SGCZ: variants seen among roughly 807,000 people sequenced by gnomAD.
SGCZ encodes sarcoglycan zeta, also known as zeta-sarcoglycan.
In SGCZ, 40 loss-of-function variants were observed where a neutral mutation model predicts 41.3. The observed-to-expected ratio is 0.97, with a 90% CI of 0.75 to 1.26. The LOEUF is 1.26. SGCZ is among the 50% of genes most tolerant of loss of function. The probability of loss-of-function intolerance (pLI) is 0.00; values close to 1 mark genes in which losing one functional copy is unlikely to be tolerated. For missense variants in SGCZ, 552 were observed against 369.8 expected (o/e 1.49, Z -4.04); for synonymous variants, 206 against 137.5 (o/e 1.50, Z -3.49).
intron 2 of SGCZ, among the ~76,000 whole-genome samples, chr8:14,465,903 A>C (rs764973324): frequency 6.6e-6 from 1 of 151,918 alleles, no homozygotes; most frequent in Non-Finnish European, 1.5e-5. Context: ...AATGTAAGTT[A>C]CAACACTAAG....
In SGCZ at chr8:14,702,793, G is replaced by A. The variant is rs58631053; in HGVS notation, c.40-147867C>T. Reference sequence around the variant, plus strand: ...GATAGATAGATAGACAGACAGACAGGCAGACAGGTAGGTAGTTAGGTAGAT... The same window carrying A: ...GATAGATAGATAGACAGACAGACAGACAGACAGGTAGGTAGTTAGGTAGAT... On this transcript the variant is annotated intron_variant, in intron 1 of 7. Transcript: ENST00000382080. 7.7e-4 allele frequency among the ~76,000 whole-genome samples: 103 copies of A among 134,502 alleles called. 1 individual carries two copies. Among genetic ancestry groups the A allele is most frequent in the African/African-American group, 2.5e-3 (91 of 35,710 alleles). 88.2% of individuals were successfully genotyped at this position (134,502 alleles called of 152,430 possible).
chr8:14,102,325 T>G, intron 7 of SGCZ, 51 bp downstream of exon 7: 5 of 1,354,830 alleles, frequency 3.7e-6, no homozygotes, highest in Non-Finnish European at 4.8e-6. Flanking sequence ...TAAATACTTG[T>G]GTTTTCAAAG....
intron 1 of SGCZ, among the ~76,000 whole-genome samples, chr8:15,148,515 G>A (rs936446821): frequency 1.3e-5 from 2 of 152,168 alleles, no homozygotes; most frequent in African/African-American, 4.8e-5. Flanking sequence ...GCCTTTTCCG[G>A]AGTCATAGGA....
At chr8:14,571,957 T>C (rs1305427012) in intron 1 of SGCZ, among the ~76,000 whole-genome samples, 1 of 152,184 alleles carries the variant, frequency 6.6e-6, no homozygotes, top group African/African-American at 2.4e-5. Flanking sequence ...TAGGTTGGAA[T>C]GAATAGGAAA....
At chr8:14,746,187 G>A (rs1009227539) in intron 1 of SGCZ, among the ~76,000 whole-genome samples, 27 of 152,108 alleles carry the variant, frequency 1.8e-4, no homozygotes, top group African/African-American at 5.5e-4. Context: ...GCATTCAAAC[G>A]TAGAGATTTA....
At chr8:14,346,950 T>C (rs1457873164) in intron 2 of SGCZ, among the ~76,000 whole-genome samples, 3 of 152,064 alleles carry the variant, frequency 2.0e-5, no homozygotes, top group Non-Finnish European at 4.4e-5. Context: ...AACATATTTG[T>C]AAATAAGTCT....
intron 1 of SGCZ, among the ~76,000 whole-genome samples, chr8:14,573,866 G>C (rs1804632507): frequency 6.6e-6 from 1 of 152,060 alleles, no homozygotes; most frequent in Non-Finnish European, 1.5e-5. Context: ...ATTAGACCAT[G>C]AAAAAATAAA....
chr8:14,432,085 A>G (rs892280043), intron 2 of SGCZ, among the ~76,000 whole-genome samples: 10 of 152,200 alleles, frequency 6.6e-5, no homozygotes, highest in African/African-American at 2.2e-4. Context: ...GCTGGTGGGA[A>G]TGTAAACTAA....
At position 15,002,064 on chromosome 8, in the gene SGCZ, G is replaced by A. The variant is rs563059158; in HGVS notation, c.39+235521C>T. ...TATCCTTCTCAAAAATTGTTGCATA[G>A]AGTTGCCGTGAAAATGGCAGTCAAA... On this transcript the variant is annotated intron_variant, in intron 1 of 7. Transcript: ENST00000382080. Among the ~76,000 whole-genome samples, 396 of 152,232 alleles carry A rather than the reference G, an allele frequency of 2.6e-3. 3 individuals are homozygous for A. The highest frequency in any genetic ancestry group is 9.3e-3 in the African/African-American group (385 of 41,548).
intron 1 of SGCZ, among the ~76,000 whole-genome samples, chr8:14,608,412 G>T (rs992190483): frequency 6.6e-6 from 1 of 151,950 alleles, no homozygotes; most frequent in Non-Finnish European, 1.5e-5. Context: ...TTCTGGAGAG[G>T]CCACAGGATA....
At chr8:14,171,603 T>C (rs1334712476) in intron 4 of SGCZ, among the ~76,000 whole-genome samples, 3 of 152,052 alleles carry the variant, frequency 2.0e-5, no homozygotes, top group Non-Finnish European at 4.4e-5. Context: ...TAAAAGTACA[T>C]ATATTTACAT....
chr8:15,024,629 A>C (rs1054846532), intron 1 of SGCZ, among the ~76,000 whole-genome samples: 1 of 152,116 alleles, frequency 6.6e-6, no homozygotes, highest in African/African-American at 2.4e-5. Context: ...CGTTAGCAGA[A>C]GCATTAGTAA....
chr8:14,192,174 G>C (rs1162638976), intron 4 of SGCZ, among the ~76,000 whole-genome samples: 1 of 151,952 alleles, frequency 6.6e-6, no homozygotes, highest in Admixed American at 6.5e-5. Flanking sequence ...CATGGGTAGT[G>C]CTTTACAGTA....
chr8:14,331,464 T>C (rs571330602), intron 2 of SGCZ, among the ~76,000 whole-genome samples: 4 of 152,104 alleles, frequency 2.6e-5, no homozygotes, highest in African/African-American at 9.7e-5. Flanking sequence ...CTGCTTTATA[T>C]GTGTGTTTTA....
At chr8:14,980,953 C>T (rs1191738044) in intron 1 of SGCZ, among the ~76,000 whole-genome samples, 1 of 152,200 alleles carries the variant, frequency 6.6e-6, no homozygotes, top group African/African-American at 2.4e-5. Flanking sequence ...CACCATGCCT[C>T]ATTACTGGAC....
chr8:15,140,525 T>A (rs112778562), intron 1 of SGCZ, among the ~76,000 whole-genome samples: 8 of 152,322 alleles, frequency 5.3e-5, no homozygotes, highest in African/African-American at 1.9e-4. Context: ...TTGGCCCATA[T>A]TGGTAATTCA....
chr8:14,786,198 C>A (rs1307477142), intron 1 of SGCZ, among the ~76,000 whole-genome samples: 2 of 152,128 alleles, frequency 1.3e-5, no homozygotes, highest in East Asian at 3.9e-4. Flanking sequence ...TCAAACTTGT[C>A]TTTGACGAGT....
intron 1 of SGCZ, among the ~76,000 whole-genome samples, chr8:14,837,687 T>A (rs1477609299): frequency 6.6e-6 from 1 of 152,216 alleles, no homozygotes; most frequent in Non-Finnish European, 1.5e-5. Flanking sequence ...TTTTTATTTA[T>A]GAACTTATTT....
intron 1 of SGCZ, among the ~76,000 whole-genome samples, chr8:14,857,684 T>C (rs1004730923): frequency 6.6e-6 from 1 of 151,972 alleles, no homozygotes; most frequent in Non-Finnish European, 1.5e-5. Flanking sequence ...GCCAACATAG[T>C]GAAACCCCTT....
Sources: allele counts gnomAD v4.1 joint callset (sites outside exome capture counted in the v4.1 genomes callset), GRCh38; gene constraint gnomAD v4.1.1; transcripts MANE v1.5; gene names NCBI Gene and HGNC (gene_info 2026-07-23, HGNC 2026-07-21).